Variants in GPM6A observed in about 807,000 individuals in gnomAD.
GPM6A encodes glycoprotein M6A.
Under a neutral mutation model 32.1 loss-of-function variants are expected in GPM6A, and 7 were observed. That is an observed-to-expected ratio of 0.22 (90% confidence interval 0.12 to 0.41). The LOEUF is 0.41. GPM6A is among the 10% of genes least tolerant of loss of function. GPM6A has a pLI of 1.00. For synonymous variants in GPM6A, 130 were observed against 123.4 expected (o/e 1.05, Z -0.35); for missense variants, 235 against 347.2 (o/e 0.68, Z 2.57).
intron 1 of GPM6A, among the ~76,000 whole-genome samples, chr4:175,762,429 C>T (rs766673000): frequency 2.6e-5 from 4 of 152,128 alleles, no homozygotes; most frequent in Non-Finnish European, 1.5e-5. Context: ...ATTCACAATA[C>T]GTCAAATATT....
Position 175,711,409 on chromosome 4 carries a change from AATATATATATATAT to A in GPM6A, c.38-9656_38-9643del, listed in dbSNP as rs36105210. On this transcript the variant is annotated intron_variant, in intron 1 of 6. Transcript: ENST00000393658. The stretch of plus-strand genomic sequence containing the variant: ...TTAAAAAGGGCACACTGGCACACCA[AATATATATATATAT>A]ATATATATATATATATATATATATA... Among the ~76,000 whole-genome samples, 187 of 53,276 alleles carry A rather than the reference AATATATATATATAT, an allele frequency of 3.5e-3. 4 individuals are homozygous for A. Among genetic ancestry groups the A allele is most frequent in the East Asian group, 6.3e-3 (11 of 1,760 alleles). 35.0% of individuals were successfully genotyped at this position (53,276 alleles called of 152,430 possible).
rs546178792 is a variant in GPM6A at position 175,914,763 on chromosome 4, G to A, written c.-23+87546C>T. 3.2e-4 allele frequency among the ~76,000 whole-genome samples: 49 copies of A among 152,250 alleles called. No individual in the cohort carries two copies. In the South Asian group the frequency reaches 8.7e-3, roughly 27 times the overall value. On this transcript the variant is annotated intron_variant, in intron 1 of 7. Transcript: ENST00000280187. The stretch of plus-strand genomic sequence containing the variant: ...GAGGGGGGGCCACTTGGGGAGATCC[G>A]TAGCCTTCTATCTTGCAGCTATCTG...
At chr4:175,761,628 ATAAT>A (rs1482676079) in intron 1 of GPM6A, among the ~76,000 whole-genome samples, 1 of 152,146 alleles carries the variant, frequency 6.6e-6, no homozygotes, top group Non-Finnish European at 1.5e-5. Flanking sequence ...CTATAATTTA[ATAAT>A]TAATAATATA....
intron 1 of GPM6A, among the ~76,000 whole-genome samples, chr4:175,929,896 C>A (rs1738972492): frequency 6.6e-6 from 1 of 152,100 alleles, no homozygotes; most frequent in South Asian, 2.1e-4. Flanking sequence ...GAAATATGAT[C>A]TCTCAGATAC....
intron 1 of GPM6A, among the ~76,000 whole-genome samples, chr4:175,870,597 G>T (rs28645625): frequency 0.014 from 2,080 of 152,190 alleles, 28 homozygotes; most frequent in African/African-American, 0.04. Context: ...AGAACCCTGA[G>T]AATTTCCTCT....
chr4:175,678,054 G>C (rs912326601), intron 2 of GPM6A, among the ~76,000 whole-genome samples: 5 of 152,100 alleles, frequency 3.3e-5, no homozygotes, highest in African/African-American at 9.7e-5. Context: ...TACGTCTTGA[G>C]TTCATCATGT....
At chr4:175,996,040 T>A (rs1463916027) in intron 1 of GPM6A, among the ~76,000 whole-genome samples, 3 of 152,166 alleles carry the variant, frequency 2.0e-5, no homozygotes, top group Non-Finnish European at 4.4e-5. Context: ...GAAAATAGAA[T>A]GACCTCAACT....
intron 1 of GPM6A, among the ~76,000 whole-genome samples, chr4:175,766,169 T>C (rs533603537): frequency 6.6e-6 from 1 of 152,322 alleles, no homozygotes; most frequent in Non-Finnish European, 1.5e-5. Context: ...AAGTAGAAAG[T>C]TCATATGGCA....
chr4:175,839,833 C>T (rs1735882640), intron 1 of GPM6A, among the ~76,000 whole-genome samples: 1 of 152,054 alleles, frequency 6.6e-6, no homozygotes, highest in African/African-American at 2.4e-5. Context: ...TCAAAAGATA[C>T]ACAAACTTAT....
chr4:175,997,369 G>A (rs1741339866), intron 1 of GPM6A, among the ~76,000 whole-genome samples: 1 of 152,074 alleles, frequency 6.6e-6, no homozygotes. Flanking sequence ...CACACTAGAA[G>A]CCAAATGATC....
intron 1 of GPM6A, among the ~76,000 whole-genome samples, chr4:175,828,412 T>C (rs967846102): frequency 1.3e-5 from 2 of 152,242 alleles, no homozygotes; most frequent in Non-Finnish European, 2.9e-5. Context: ...CATTTTTAAA[T>C]TGTATTTTAA....
intron 1 of GPM6A, among the ~76,000 whole-genome samples, chr4:175,978,719 T>G (rs753084315): frequency 6.6e-6 from 1 of 152,210 alleles, no homozygotes; most frequent in African/African-American, 2.4e-5. Context: ...TCAAGTACTA[T>G]AGGTTTTTCA....
intron 2 of GPM6A, among the ~76,000 whole-genome samples, chr4:175,675,824 G>GC (rs1743333376): frequency 6.7e-6 from 1 of 150,142 alleles, no homozygotes; most frequent in Non-Finnish European, 1.5e-5. Flanking sequence ...AAATTTCTTC[G>GC]TTTTTTTTGT....
chr4:175,795,970 C>T (rs1052599102), intron 1 of GPM6A: 2 of 152,262 alleles, frequency 1.3e-5, no homozygotes, highest in African/African-American at 4.8e-5. Flanking sequence ...CCAACTGAAC[C>T]TTCATATGAG....
chr4:175,690,462 G>A (rs1744233334), intron 2 of GPM6A, among the ~76,000 whole-genome samples: 1 of 152,134 alleles, frequency 6.6e-6, no homozygotes, highest in Non-Finnish European at 1.5e-5. Context: ...TGTTCTGGAG[G>A]TCAGAAGTTT....
Position 175,633,227 on chromosome 4 carries a change from T to C in GPM6A, c.*1678A>G, listed in dbSNP as rs1352276289. On this transcript the variant is annotated 3_prime_UTR_variant, in exon 7 of 7. Transcript: ENST00000393658. Reference sequence around the variant, plus strand: ...TATAGAATTTAAAGAAGCCCATTAATACTTTTGCTGAATATCTGTAATACT... The same window carrying C: ...TATAGAATTTAAAGAAGCCCATTAACACTTTTGCTGAATATCTGTAATACT... The C allele has an allele frequency of 6.6e-6, 1 of 152,506 alleles. No homozygotes were observed. The highest frequency in any genetic ancestry group is 1.9e-4 in the East Asian group (1 of 5,190). The allele number at this position is 152,506 out of a possible 1,614,324, so 9.4% of individuals were successfully genotyped here. A position where few individuals can be genotyped will look rare whatever the true frequency, so the allele number is the denominator to read the frequency against.
chr4:175,663,913 C>CT (rs1217186058), intron 3 of GPM6A, among the ~76,000 whole-genome samples: 11 of 152,166 alleles, frequency 7.2e-5, no homozygotes, highest in Admixed American at 4.6e-4. Flanking sequence ...AAGATGGTCT[C>CT]TATCTCCTGA....
At chr4:175,717,139 C>A (rs1452874635) in intron 1 of GPM6A, among the ~76,000 whole-genome samples, 2 of 152,152 alleles carry the variant, frequency 1.3e-5, no homozygotes, top group African/African-American at 4.8e-5. Flanking sequence ...GCCCACTTGG[C>A]TCACTGCACA....
intron 1 of GPM6A, among the ~76,000 whole-genome samples, chr4:175,853,666 C>CA (rs1353396574): frequency 1.9e-4 from 29 of 150,540 alleles, no homozygotes; most frequent in Non-Finnish European, 3.5e-4. Flanking sequence ...GAATTCAAAA[C>CA]AAAAAAGGAA....
Sources: allele counts gnomAD v4.1 joint callset (sites outside exome capture counted in the v4.1 genomes callset), GRCh38; gene constraint gnomAD v4.1.1; transcripts MANE v1.5; gene names NCBI Gene and HGNC (gene_info 2026-07-23, HGNC 2026-07-21).